MDH1: variants seen among roughly 807,000 people sequenced by gnomAD.
MDH1 encodes malate dehydrogenase 1.
In MDH1, 15 loss-of-function variants were observed where a neutral mutation model predicts 38.7. The observed-to-expected ratio is 0.39, with a 90% CI of 0.26 to 0.60. The LOEUF is 0.60. Ranked by LOEUF, MDH1 falls within the 20% of genes least tolerant of loss-of-function variation. MDH1 has a pLI of 0.56. For synonymous variants in MDH1, 144 were observed against 143.6 expected (o/e 1.00, Z -0.02); for missense variants, 368 against 405.2 (o/e 0.91, Z 0.79).
In MDH1 at chr2:63,606,975, T is replaced by C. The variant is rs1264515724; in HGVS notation, c.993T>C (p.Leu331=). Residue 331 remains leucine, a synonymous_variant, in exon 9 of 9, where the codon CTT becomes CTC. Coordinates refer to ENST00000233114, the MANE Select transcript of MDH1 (RefSeq NM_005917.4). Reference sequence around the variant, plus strand: ...AAAAAGAAAGTGCTTTTGAATTTCTTTCCTCTGCCTGACTAGACAATGATG... The same window carrying C: ...AAAAAGAAAGTGCTTTTGAATTTCTCTCCTCTGCCTGACTAGACAATGATG... ...TEEKESAFEF[L]SSA The C allele has an allele frequency of 6.2e-7, 1 of 1,611,498 alleles. No individual in the cohort carries two copies. Among genetic ancestry groups the C allele is most frequent in the African/African-American group, 1.3e-5 (1 of 74,848 alleles).
chr2:63,595,782 T>C (rs1202081690), intron 3 of MDH1, among the ~76,000 whole-genome samples: 1 of 152,200 alleles, frequency 6.6e-6, no homozygotes, highest in African/African-American at 2.4e-5. Flanking sequence ...TTAAGTGTAA[T>C]ATTGCACAAG....
chr2:63,591,382 T>C (rs1394505925), intron 1 of MDH1, among the ~76,000 whole-genome samples: 1 of 152,222 alleles, frequency 6.6e-6, no homozygotes, highest in African/African-American at 2.4e-5. Flanking sequence ...TAAGATGGAA[T>C]TACCTACCTG....
In MDH1 at chr2:63,595,409, T is replaced by A. The variant is rs1446465329; in HGVS notation, c.103-14T>A. 6.6e-7 allele frequency: 1 copy of A among 1,523,790 alleles called. No individual in the cohort carries two copies. The highest frequency in any genetic ancestry group is 1.7e-5 in the Admixed American group (1 of 59,860). 94.4% of individuals were successfully genotyped at this position (1,523,790 alleles called of 1,614,324 possible). A position where few individuals can be genotyped will look rare whatever the true frequency, so the allele number is the denominator to read the frequency against. On this transcript the variant is annotated splice_polypyrimidine_tract_variant and intron_variant, in intron 2 of 8. Transcript: ENST00000233114. ...TAGCCTACACTAACAGATGCTGTCCTTGCTATTTGGTAGCCTATAATTCTT... is the reference window on the plus strand; with the variant it reads ...TAGCCTACACTAACAGATGCTGTCCATGCTATTTGGTAGCCTATAATTCTT...
chr2:63,602,938 T>TG (rs1371602963), intron 5 of MDH1, among the ~76,000 whole-genome samples: 8 of 2,484 alleles, frequency 3.2e-3, no homozygotes, highest in African/African-American at 9.1e-3. Flanking sequence ...ACCGTTCTTT[T>TG]TTTTTTTTTT....
rs756964732 is a variant in MDH1 at position 63,588,997 on chromosome 2, T to C, written c.-47T>C. 4.2e-5 allele frequency: 67 copies of C among 1,614,072 alleles called. No homozygotes were observed. The highest frequency in any genetic ancestry group is 5.7e-5 in the Non-Finnish European group (67 of 1,180,016). On this transcript the variant is annotated 5_prime_UTR_variant, in exon 1 of 9. Transcript: ENST00000233114. ...CCGCGGTAGAGGTGACCTGACTCTC[T>C]GAGGCTCATTTTGCAGTTGTTGAAA... is the stretch of plus-strand genomic sequence containing the variant.
At chr2:63,605,545 C>G in intron 7 of MDH1, 152 bp downstream of exon 7, 1 of 639,966 alleles carries the variant, frequency 1.6e-6, no homozygotes, top group Non-Finnish European at 2.8e-6. Context: ...GGTTTGTTAG[C>G]CTTGACCTTT....
At chr2:63,596,674 G>A (rs1709317445) in intron 3 of MDH1, among the ~76,000 whole-genome samples, 1 of 152,190 alleles carries the variant, frequency 6.6e-6, no homozygotes, top group South Asian at 2.1e-4. Flanking sequence ...TGACTATGAT[G>A]CAACTAGCCA....
Position 63,607,142 on chromosome 2 carries a change from CA to C in MDH1, c.*156del. 1 of 598,628 alleles carries C rather than the reference CA, an allele frequency of 1.7e-6. No individual in the cohort carries two copies. Among genetic ancestry groups the C allele is most frequent in the Non-Finnish European group, 2.7e-6 (1 of 370,766 alleles). 37.1% of individuals were successfully genotyped at this position (598,628 alleles called of 1,614,324 possible). On this transcript the variant is annotated 3_prime_UTR_variant, in exon 9 of 9. Coordinates refer to ENST00000233114, the MANE Select transcript of MDH1 (RefSeq NM_005917.4). ...CTTCTTGGTACAGGTTTGTGAATGACAGTTTATCGTCATGCTGTTAGTGTGC... is the reference window on the plus strand; with the variant it reads ...CTTCTTGGTACAGGTTTGTGAATGACGTTTATCGTCATGCTGTTAGTGTGC...
At chr2:63,606,785 A>ATAAG in intron 8 of MDH1, 77 bp from the exon 9 acceptor site, 1 of 1,123,690 alleles carries the variant, frequency 8.9e-7, no homozygotes, top group South Asian at 1.9e-5. Context: ...ACCTCTAAAT[A>ATAAG]TAAGTTCAAA....
At chr2:63,600,530 C>A (rs1709398717) in intron 5 of MDH1, among the ~76,000 whole-genome samples, 1 of 152,176 alleles carries the variant, frequency 6.6e-6, no homozygotes, top group South Asian at 2.1e-4. Flanking sequence ...ATTGTATCTA[C>A]CTCAGAGAGT....
intron 3 of MDH1, among the ~76,000 whole-genome samples, chr2:63,596,353 T>G (rs1709311614): frequency 6.6e-6 from 1 of 152,154 alleles, no homozygotes; most frequent in African/African-American, 2.4e-5. Context: ...ATCTAAGTCT[T>G]TTGGTTGCAA....
At chr2:63,594,252 G>A (rs111596344) in intron 1 of MDH1, 31 of 606,772 alleles carry the variant, frequency 5.1e-5, no homozygotes, top group African/African-American at 2.7e-4. Flanking sequence ...CAAAAAAGGT[G>A]GATAAGATTA....
At chr2:63,593,527 C>A (rs182423214) in intron 1 of MDH1, 1 of 470,628 alleles carries the variant, frequency 2.1e-6, no homozygotes, top group Non-Finnish European at 4.4e-6. Flanking sequence ...ATCCTTGTTT[C>A]GTCTCAGAGA....
At chr2:63,589,108 T>C in intron 1 of MDH1, 62 bp downstream of exon 1, 2 of 1,614,134 alleles carry the variant, frequency 1.2e-6, no homozygotes. Flanking sequence ...TGGGGTTTCT[T>C]GCACTTTAGG....
chr2:63,588,980 G>T lies in MDH1; in HGVS notation c.-64G>T. On this transcript the variant is annotated 5_prime_UTR_variant, in exon 1 of 9. Transcript: ENST00000233114. ...CCCTCTCCGAGTCAGTTCCGCGGTA[G>T]AGGTGACCTGACTCTCTGAGGCTCA... 1.9e-6 allele frequency: 3 copies of T among 1,612,626 alleles called. No homozygotes were observed. The highest frequency in any genetic ancestry group is 1.3e-5 in the African/African-American group (1 of 75,030).
intron 8 of MDH1, among the ~76,000 whole-genome samples, chr2:63,606,256 C>T (rs1455973004): frequency 2.0e-5 from 3 of 152,144 alleles, no homozygotes; most frequent in Non-Finnish European, 2.9e-5. Flanking sequence ...TGGCACACAT[C>T]TGTGGTCCTA....
intron 3 of MDH1, 70 bp downstream of exon 3, chr2:63,595,589 G>C: frequency 1.1e-6 from 1 of 925,680 alleles, no homozygotes; most frequent in Non-Finnish European, 1.7e-6. Context: ...TTAGGTTTTT[G>C]TTAAAGGCTC....
chr2:63,599,060 A>C (rs1369583511), intron 4 of MDH1, 110 bp from the exon 5 acceptor site: 4 of 1,008,926 alleles, frequency 4.0e-6, no homozygotes, highest in Non-Finnish European at 5.6e-6. Context: ...GTGTTTCCCA[A>C]GCCTCCCCTG....
At chr2:63,597,328 T>C (rs749714678) in intron 3 of MDH1, 71 bp from the exon 4 acceptor site, 368 of 1,305,826 alleles carry the variant, frequency 2.8e-4, no homozygotes, top group Admixed American at 6.4e-4. Context: ...AATGGGTAGA[T>C]TCAATATGAA....
Sources: allele counts gnomAD v4.1 joint callset (sites outside exome capture counted in the v4.1 genomes callset), GRCh38; gene constraint gnomAD v4.1.1; transcripts MANE v1.5; gene names NCBI Gene and HGNC (gene_info 2026-07-23, HGNC 2026-07-21).